The following MAN1C1 variants were observed in gnomAD, a reference collection of about 807,000 sequenced individuals.
MAN1C1 encodes mannosyl-oligosaccharide 1,2-alpha-mannosidase IC.
MAN1C1 carries 49 observed loss-of-function variants against 71.5 expected under a neutral mutation model. The observed-to-expected ratio is 0.69, with a 90% confidence interval of 0.54 to 0.87. The LOEUF (loss-of-function observed/expected upper bound fraction) is 0.87. Ranked by LOEUF, MAN1C1 falls within the 40% of genes least tolerant of loss-of-function variation. The probability of loss-of-function intolerance (pLI) is 0.00; values close to 1 mark genes in which losing one functional copy is unlikely to be tolerated. For synonymous variants in MAN1C1, 352 were observed against 343.7 expected (o/e 1.02, Z -0.27); for missense variants, 743 against 835.0 (o/e 0.89, Z 1.36).
intron 8 of MAN1C1, among the ~76,000 whole-genome samples, chr1:25,774,597 C>G (rs1034776475): frequency 6.6e-6 from 1 of 152,160 alleles, no homozygotes; most frequent in African/African-American, 2.4e-5. Context: ...AGCCAGGCTT[C>G]GAATATCCTC....
chr1:25,688,344 A>G (rs998432476), intron 2 of MAN1C1, among the ~76,000 whole-genome samples: 1 of 152,222 alleles, frequency 6.6e-6, no homozygotes, highest in African/African-American at 2.4e-5. Context: ...AGATCCCATC[A>G]AAGTTGTGGA....
At chr1:25,709,000 A>G (rs2046566433) in intron 2 of MAN1C1, among the ~76,000 whole-genome samples, 1 of 152,176 alleles carries the variant, frequency 6.6e-6, no homozygotes, top group African/African-American at 2.4e-5. Flanking sequence ...AGCCCCAGGG[A>G]CCGCAGGAAT....
At chr1:25,676,094 G>A (rs2982316) in intron 1 of MAN1C1, among the ~76,000 whole-genome samples, 51,371 of 151,902 alleles carry the variant, frequency 0.34, 9,773 homozygotes, top group East Asian at 0.53. Flanking sequence ...TTTGAGCAGC[G>A]AGAGTTTCTC....
At chr1:25,719,259 G>A (rs376434200) in intron 2 of MAN1C1, among the ~76,000 whole-genome samples, 1 of 149,848 alleles carries the variant, frequency 6.7e-6, no homozygotes, top group East Asian at 1.9e-4. Context: ...TTTTAGTAGA[G>A]AGGGGGCTTC....
intron 4 of MAN1C1, among the ~76,000 whole-genome samples, chr1:25,752,121 A>T (rs1449653670): frequency 6.6e-6 from 1 of 152,136 alleles, no homozygotes; most frequent in Admixed American, 6.5e-5. Context: ...GCCAGTGCCC[A>T]TGGGAGTAAC....
intron 1 of MAN1C1, among the ~76,000 whole-genome samples, chr1:25,682,507 T>C (rs2046168858): frequency 6.6e-6 from 1 of 152,100 alleles, no homozygotes. Flanking sequence ...GGTGTGGGGC[T>C]CCTGGAAGAA....
At chr1:25,771,129 C>T (rs191739376) in intron 7 of MAN1C1, among the ~76,000 whole-genome samples, 256 of 152,312 alleles carry the variant, frequency 1.7e-3, no homozygotes, top group African/African-American at 5.7e-3. Context: ...TTCTCTTTCC[C>T]GCTCCTTTGA....
intron 2 of MAN1C1, among the ~76,000 whole-genome samples, chr1:25,714,192 G>T (rs911887352): frequency 2.0e-5 from 3 of 152,096 alleles, no homozygotes; most frequent in Non-Finnish European, 4.4e-5. Flanking sequence ...GTGTCTCTTC[G>T]GTACAAATTG....
At chr1:25,628,738 A>G (rs1450158850) in intron 1 of MAN1C1, among the ~76,000 whole-genome samples, 1 of 152,124 alleles carries the variant, frequency 6.6e-6, no homozygotes, top group Non-Finnish European at 1.5e-5. Flanking sequence ...AGTATATAGG[A>G]TTTTTTTAAT....
intron 11 of MAN1C1, among the ~76,000 whole-genome samples, chr1:25,783,144 C>T (rs966278059): frequency 3.3e-5 from 5 of 152,160 alleles, no homozygotes; most frequent in African/African-American, 1.2e-4. Flanking sequence ...CCTCACTGTT[C>T]CCCAAAGCAA....
rs2045983866 is a variant in MAN1C1 at position 25,670,816 on chromosome 1, T to C, written c.541-15624T>C. ...CCTCTGAGGGTGGTTGGGTAAGAAG[T>C]AATTTGTTGTCATGGTTAAGACTGC... On this transcript the variant is annotated intron_variant, in intron 1 of 11. Coordinates refer to ENST00000374332, the MANE Select transcript of MAN1C1 (RefSeq NM_020379.4). Among the ~76,000 whole-genome samples, 4 of 152,142 alleles carry C rather than the reference T, an allele frequency of 2.6e-5. No individual in the cohort carries two copies. The South Asian group carries it at 8.3e-4, about 31-fold the overall frequency.
intron 3 of MAN1C1, 73 bp from the exon 4 acceptor site, chr1:25,749,182 C>T: frequency 7.9e-7 from 1 of 1,262,154 alleles, no homozygotes; most frequent in South Asian, 1.3e-5. Flanking sequence ...TATCAGTGGC[C>T]AGGGTGACCT....
chr1:25,692,814 C>G (rs1039466080), intron 2 of MAN1C1, among the ~76,000 whole-genome samples: 2 of 152,204 alleles, frequency 1.3e-5, no homozygotes, highest in African/African-American at 4.8e-5. Context: ...GCATGTGATT[C>G]GTGGTCAGGG....
At chr1:25,651,079 G>A (rs1437599582) in intron 1 of MAN1C1, among the ~76,000 whole-genome samples, 1 of 152,104 alleles carries the variant, frequency 6.6e-6, no homozygotes, top group African/African-American at 2.4e-5. Flanking sequence ...ATTGCCACTG[G>A]GTGAACACTC....
intron 1 of MAN1C1, among the ~76,000 whole-genome samples, chr1:25,656,287 G>A (rs748798588): frequency 7.3e-5 from 11 of 151,436 alleles, no homozygotes; most frequent in African/African-American, 1.9e-4. Flanking sequence ...TAATAGAGAC[G>A]GGGTTTTACC....
At chr1:25,638,406 AAC>A (rs1273781926) in intron 1 of MAN1C1, among the ~76,000 whole-genome samples, 4 of 152,188 alleles carry the variant, frequency 2.6e-5, no homozygotes, top group Non-Finnish European at 5.9e-5. Context: ...TTTTGCTTTA[AAC>A]AGTCAGTTGT....
chr1:25,772,853 C>A (rs1333313018), intron 8 of MAN1C1, among the ~76,000 whole-genome samples: 2 of 152,202 alleles, frequency 1.3e-5, no homozygotes, highest in Non-Finnish European at 2.9e-5. Context: ...CACCAGTCTT[C>A]CTGCTCTTCC....
intron 1 of MAN1C1, among the ~76,000 whole-genome samples, chr1:25,636,573 C>G (rs1239996447): frequency 6.6e-6 from 1 of 152,146 alleles, no homozygotes; most frequent in Admixed American, 6.5e-5. Flanking sequence ...TCCCTTGTTC[C>G]CTGAAAATTG....
chr1:25,692,161 A>G (rs2046317606), intron 2 of MAN1C1, among the ~76,000 whole-genome samples: 1 of 152,212 alleles, frequency 6.6e-6, no homozygotes, highest in African/African-American at 2.4e-5. Context: ...GTCTCAGTGC[A>G]GCGCTCTTTG....
Sources: allele counts gnomAD v4.1 joint callset (sites outside exome capture counted in the v4.1 genomes callset), GRCh38; gene constraint gnomAD v4.1.1; transcripts MANE v1.5; gene names NCBI Gene and HGNC (gene_info 2026-07-23, HGNC 2026-07-21).